Variants in CSMD1 observed in about 807,000 individuals in gnomAD.
CSMD1 encodes the protein CUB and Sushi multiple domains 1.
Under a neutral mutation model 417.5 loss-of-function variants are expected in CSMD1, and 213 were observed. The observed-to-expected ratio is 0.51, with a 90% CI of 0.46 to 0.57. The LOEUF (loss-of-function observed/expected upper bound fraction) is 0.57, where lower values mean the gene tolerates loss of function less well. Among genes scored for constraint, CSMD1 ranks in the 20% least tolerant of loss-of-function variants. The pLI is 0.00. For synonymous variants in CSMD1, 2,862 were observed against 1,736.8 expected (o/e 1.65, Z -16.11); for missense variants, 6,923 against 4,529.7 (o/e 1.53, Z -15.17).
intron 3 of CSMD1, among the ~76,000 whole-genome samples, chr8:4,417,870 T>G (rs1238056): frequency 0.85 from 129,031 of 151,880 alleles, 54,936 homozygotes; most frequent in East Asian, 0.93. Flanking sequence ...CCATGACATT[T>G]CCTTGGAAAG....
chr8:3,063,816 C>G (rs1386326482), intron 49 of CSMD1, among the ~76,000 whole-genome samples: 1 of 152,064 alleles, frequency 6.6e-6, no homozygotes, highest in Non-Finnish European at 1.5e-5. Context: ...CTTGTAGGGG[C>G]TGGAGGAGGA....
intron 2 of CSMD1, among the ~76,000 whole-genome samples, chr8:4,454,106 G>A (rs529741625): frequency 2.0e-4 from 30 of 152,234 alleles, no homozygotes; most frequent in Non-Finnish European, 3.7e-4. Flanking sequence ...ACAGGCGTGA[G>A]CCACTGTGCC....
intron 1 of CSMD1, among the ~76,000 whole-genome samples, chr8:4,854,184 A>T (rs1483996859): frequency 1.3e-5 from 2 of 152,168 alleles, no homozygotes; most frequent in Non-Finnish European, 2.9e-5. Flanking sequence ...CAATGTGAGA[A>T]GGGCATGAGA....
Position 4,554,871 on chromosome 8 carries a change from G to T in CSMD1, c.302+82471C>A, listed in dbSNP as rs188538771. On this transcript the variant is annotated intron_variant, in intron 2 of 69. Transcript: ENST00000635120. ...AAAAGCTGAAGATAAATAGAAGGTT[G>T]CCAGGCCCAGGTGGTGATGATGGTG... Among the ~76,000 whole-genome samples, 45 of 152,242 alleles carry T rather than the reference G, an allele frequency of 3.0e-4. No individual in the cohort carries two copies. In the East Asian group the frequency reaches 7.8e-3, roughly 26 times the overall value.
chr8:3,273,996 T>C (rs1453225875), intron 26 of CSMD1, among the ~76,000 whole-genome samples: 1 of 151,756 alleles, frequency 6.6e-6, no homozygotes, highest in Non-Finnish European at 1.5e-5. Context: ...CTCTTGCTTT[T>C]CTAGTTCTTT....
In CSMD1 at chr8:3,055,132, C is replaced by T. The variant is rs139206912; in HGVS notation, c.7475-2485G>A. Among the ~76,000 whole-genome samples the T allele has an allele frequency of 2.3e-4, 35 of 152,266 alleles. No individual in the cohort carries two copies. In the South Asian group the frequency reaches 3.9e-3, roughly 17 times the overall value. On this transcript the variant is annotated intron_variant, in intron 49 of 69. Transcript: ENST00000635120. ...AGGGAAAGAAATGACATTTTTCTAT[C>T]GGACGAAATGGGAAAGATGACATTC...
intron 51 of CSMD1, among the ~76,000 whole-genome samples, chr8:3,022,109 CGGAATA>C: frequency 7.0e-6 from 1 of 143,594 alleles, no homozygotes; most frequent in East Asian, 2.1e-4. Flanking sequence ...CCACAGCATC[CGGAATA>C]CACCCGCAAT....
intron 23 of CSMD1, among the ~76,000 whole-genome samples, chr8:3,334,513 T>G (rs1205215488): frequency 6.6e-6 from 1 of 152,202 alleles, no homozygotes; most frequent in Non-Finnish European, 1.5e-5. Flanking sequence ...GTTGATGTCA[T>G]TTTTATTGTA....
intron 5 of CSMD1, among the ~76,000 whole-genome samples, chr8:3,898,510 C>G (rs1214277768): frequency 6.6e-6 from 1 of 152,162 alleles, no homozygotes; most frequent in Non-Finnish European, 1.5e-5. Flanking sequence ...CCAGAGAATA[C>G]CTGAGAGTCT....
At chr8:3,957,145 C>T (rs1206243226) in intron 5 of CSMD1, among the ~76,000 whole-genome samples, 1 of 46,724 alleles carries the variant, frequency 2.1e-5, no homozygotes, top group Non-Finnish European at 5.4e-5. Context: ...TCTTTCTCCC[C>T]CTACTTCACA....
At position 3,793,787 on chromosome 8, in the gene CSMD1, T is replaced by C. The variant is rs182905520; in HGVS notation, c.819-39745A>G. Among the ~76,000 whole-genome samples, 19 of 152,274 alleles carry C rather than the reference T, an allele frequency of 1.2e-4. No homozygotes were observed. In the East Asian group the frequency reaches 3.7e-3, roughly 30 times the overall value. ...GGAACTTGACGACAGAGACCTTGCCTTCTACCTCCTTTTATGCCCCAGGGC... is the reference window on the plus strand; with the variant it reads ...GGAACTTGACGACAGAGACCTTGCCCTCTACCTCCTTTTATGCCCCAGGGC... On this transcript the variant is annotated intron_variant, in intron 5 of 69. Coordinates refer to ENST00000635120, the MANE Select transcript of CSMD1 (RefSeq NM_033225.6).
At position 4,774,989 on chromosome 8, in the gene CSMD1, C is replaced by T. The variant is rs541728292; in HGVS notation, c.86-137431G>A. Among the ~76,000 whole-genome samples the T allele has an allele frequency of 7.2e-5, 11 of 152,112 alleles. No homozygotes were observed. The South Asian group carries it at 2.1e-3, about 29-fold the overall frequency. ...CCCCTTTTGTTTACAAATTACCCAG[C>T]CTCAGGTATTTCTTTAAAGCAGTGT... is the stretch of plus-strand genomic sequence containing the variant. On this transcript the variant is annotated intron_variant, in intron 1 of 69. Coordinates refer to ENST00000635120, the MANE Select transcript of CSMD1 (RefSeq NM_033225.6).
chr8:4,359,338 C>T (rs1430587660), intron 3 of CSMD1, among the ~76,000 whole-genome samples: 1 of 152,170 alleles, frequency 6.6e-6, no homozygotes, highest in East Asian at 1.9e-4. Context: ...ATAGGTACAA[C>T]ATATCTAAAC....
chr8:4,372,310 G>C (rs564772656), intron 3 of CSMD1, among the ~76,000 whole-genome samples: 1 of 152,154 alleles, frequency 6.6e-6, no homozygotes, highest in Non-Finnish European at 1.5e-5. Context: ...GACATCATGA[G>C]AACAGACTGT....
At position 3,168,223 on chromosome 8, in the gene CSMD1, G is replaced by A. The variant is rs145933518; in HGVS notation, c.5726-5946C>T. Among the ~76,000 whole-genome samples, 540 of 152,226 alleles carry A rather than the reference G, an allele frequency of 3.5e-3. 2 individuals are homozygous for A. Among genetic ancestry groups the A allele is most frequent in the African/African-American group, 0.012 (513 of 41,534 alleles). On this transcript the variant is annotated intron_variant, in intron 37 of 69. Transcript: ENST00000635120. ...CAGACACCTGAGTATTCAACGCCCA[G>A]GTAGACCATGAACACTATGTGGAAC... is the stretch of plus-strand genomic sequence containing the variant.
chr8:4,270,718 T>C (rs1328975444), intron 3 of CSMD1, among the ~76,000 whole-genome samples: 3 of 152,198 alleles, frequency 2.0e-5, no homozygotes, highest in African/African-American at 7.2e-5. Context: ...ATTTGTAATG[T>C]GAAAATAGAA....
intron 2 of CSMD1, among the ~76,000 whole-genome samples, chr8:4,434,693 G>A (rs113952946): frequency 2.6e-5 from 4 of 152,136 alleles, no homozygotes; most frequent in Non-Finnish European, 5.9e-5. Context: ...GGAACAAAGA[G>A]TAACAAATGT....
chr8:4,388,992 T>C (rs1344077741), intron 3 of CSMD1, among the ~76,000 whole-genome samples: 4 of 152,218 alleles, frequency 2.6e-5, no homozygotes, highest in Non-Finnish European at 5.9e-5. Context: ...ACATGTTCTT[T>C]GTAATTGTTC....
At chr8:4,187,156 G>C (rs1052136779) in intron 3 of CSMD1, among the ~76,000 whole-genome samples, 2 of 151,822 alleles carry the variant, frequency 1.3e-5, no homozygotes, top group East Asian at 1.9e-4. Context: ...TTTACTGCTT[G>C]TAGTATTAAA....
Sources: allele counts gnomAD v4.1 joint callset (sites outside exome capture counted in the v4.1 genomes callset), GRCh38; gene constraint gnomAD v4.1.1; transcripts MANE v1.5; gene names NCBI Gene and HGNC (gene_info 2026-07-23, HGNC 2026-07-21).